PDE8A: variants seen among roughly 807,000 people sequenced by gnomAD.
PDE8A encodes high affinity cAMP-specific and IBMX-insensitive 3',5'-cyclic phosphodiesterase 8A.
Under a neutral mutation model 105.0 loss-of-function variants are expected in PDE8A, and 59 were observed. The observed-to-expected ratio is 0.56, with a 90% CI of 0.46 to 0.70. The LOEUF (loss-of-function observed/expected upper bound fraction) is 0.70, where lower values mean the gene tolerates loss of function less well. PDE8A is among the 30% of genes least tolerant of loss of function. The pLI, the probability that PDE8A is intolerant of heterozygous loss-of-function variation, is 0.00. For missense variants in PDE8A, 1,014 were observed against 1,045.9 expected (o/e 0.97, Z 0.42); for synonymous variants, 355 against 371.9 (o/e 0.95, Z 0.52).
chr15:85,031,009 G>A (rs530068135), intron 1 of PDE8A, among the ~76,000 whole-genome samples: 9 of 152,152 alleles, frequency 5.9e-5, no homozygotes, highest in African/African-American at 2.2e-4. Context: ...CTCAGTATAC[G>A]TTTAGCGCAT....
chr15:85,119,013 G>A (rs2082138812), intron 17 of PDE8A, among the ~76,000 whole-genome samples: 1 of 152,118 alleles, frequency 6.6e-6, no homozygotes, highest in South Asian at 2.1e-4. Flanking sequence ...AAAATAGGGT[G>A]TCCAGAGAAG....
chr15:85,122,288 G>C (rs2082194621), intron 18 of PDE8A, among the ~76,000 whole-genome samples: 2 of 152,182 alleles, frequency 1.3e-5, no homozygotes, highest in Non-Finnish European at 2.9e-5. Context: ...CAGTGCCACA[G>C]TGCTTGGTAC....
rs373194813 is a variant in PDE8A, at chr15:85,137,772, A to G, written c.2384-25A>G. 2.2e-5 allele frequency: 31 copies of G among 1,395,958 alleles called. No individual in the cohort carries two copies. In the African/African-American group the frequency reaches 3.7e-4, roughly 17 times the overall value. The allele number at this position is 1,395,958 out of a possible 1,614,324, so 86.5% of individuals were successfully genotyped here. A position where few individuals can be genotyped will look rare whatever the true frequency, so the allele number is the denominator to read the frequency against. Reference sequence around the variant, plus strand: ...ATGTAAACAGAGGCTGTGAAAGCATATCACATTCCTATCTTTCTCTCCAGC... The same window carrying G: ...ATGTAAACAGAGGCTGTGAAAGCATGTCACATTCCTATCTTTCTCTCCAGC... On this transcript the variant is annotated intron_variant, in intron 21 of 21. Transcript: ENST00000394553.
At chr15:85,134,965 G>A (rs952972773) in intron 20 of PDE8A, among the ~76,000 whole-genome samples, 8 of 152,176 alleles carry the variant, frequency 5.3e-5, no homozygotes, top group South Asian at 2.1e-4. Flanking sequence ...GGAGCTCCAC[G>A]CAAGTGCCGG....
intron 8 of PDE8A, among the ~76,000 whole-genome samples, chr15:85,093,245 T>C (rs2081678955): frequency 6.6e-6 from 1 of 152,188 alleles, no homozygotes; most frequent in South Asian, 2.1e-4. Flanking sequence ...ATTTGTTTCG[T>C]TTTTCACAGT....
At chr15:85,031,054 G>A (rs1222423743) in intron 1 of PDE8A, among the ~76,000 whole-genome samples, 1 of 152,134 alleles carries the variant, frequency 6.6e-6, no homozygotes, top group Non-Finnish European at 1.5e-5. Flanking sequence ...ATGAATAAAT[G>A]ACAATTTTAC....
chr15:85,079,396 TG>T, intron 5 of PDE8A, among the ~76,000 whole-genome samples: 1 of 152,328 alleles, frequency 6.6e-6, no homozygotes, highest in East Asian at 1.9e-4. Context: ...TACTTTATTC[TG>T]GGGGTAATTG....
chr15:85,074,007 C>T (rs750292059), intron 3 of PDE8A, among the ~76,000 whole-genome samples: 8 of 152,170 alleles, frequency 5.3e-5, no homozygotes, highest in Non-Finnish European at 1.2e-4. Flanking sequence ...GGTTGGCTCC[C>T]TCTGGAGAGG....
intron 9 of PDE8A, among the ~76,000 whole-genome samples, chr15:85,098,923 C>T (rs1284542994): frequency 1.3e-5 from 2 of 151,142 alleles, no homozygotes; most frequent in Non-Finnish European, 2.9e-5. Context: ...TGCCACTGTA[C>T]TCCAGCCTGG....
At chr15:85,039,126 A>G (rs1023775329) in intron 1 of PDE8A, among the ~76,000 whole-genome samples, 3 of 8,340 alleles carry the variant, frequency 3.6e-4, no homozygotes, top group Admixed American at 8.5e-4. Context: ...CATCTCAAGA[A>G]AAAAAAAAAA....
intron 11 of PDE8A, among the ~76,000 whole-genome samples, chr15:85,104,408 T>C (rs2081916435): frequency 6.6e-6 from 1 of 152,114 alleles, no homozygotes; most frequent in South Asian, 2.1e-4. Context: ...GGATTCATCC[T>C]GTAGGCAGAG....
intron 20 of PDE8A, among the ~76,000 whole-genome samples, chr15:85,126,920 T>C (rs1033347371): frequency 6.6e-6 from 1 of 152,174 alleles, no homozygotes; most frequent in Non-Finnish European, 1.5e-5. Flanking sequence ...TCAAAAACTA[T>C]GAAGGCCAGA....
At chr15:85,009,106 A>T (rs34343213) in intron 1 of PDE8A, among the ~76,000 whole-genome samples, 2 of 25,964 alleles carry the variant, frequency 7.7e-5, no homozygotes, top group African/African-American at 2.8e-4. Context: ...AGAGAGAGAG[A>T]GAGAGTGTGT....
intron 1 of PDE8A, among the ~76,000 whole-genome samples, chr15:85,000,169 T>C (rs2080045063): frequency 6.6e-6 from 1 of 152,222 alleles, no homozygotes; most frequent in South Asian, 2.1e-4. Flanking sequence ...TATAGGAAGA[T>C]ACCTTCTAAT....
intron 11 of PDE8A, among the ~76,000 whole-genome samples, chr15:85,106,658 C>G (rs1357778864): frequency 6.6e-6 from 1 of 152,148 alleles, no homozygotes; most frequent in Non-Finnish European, 1.5e-5. Flanking sequence ...AGTGTTGTGT[C>G]TCAGACAGAA....
chr15:85,119,575 A>G (rs1043103432), intron 17 of PDE8A, among the ~76,000 whole-genome samples: 2 of 151,998 alleles, frequency 1.3e-5, no homozygotes, highest in African/African-American at 4.8e-5. Flanking sequence ...ATAAATTTGC[A>G]AGGCTGATTT....
intron 1 of PDE8A, among the ~76,000 whole-genome samples, chr15:85,004,597 TTTAAGA>T (rs1201572451): frequency 6.6e-6 from 1 of 152,184 alleles, no homozygotes; most frequent in African/African-American, 2.4e-5. Flanking sequence ...CGCCTAATAC[TTTAAGA>T]TTAATTTTCT....
chr15:85,101,787 G>A (rs941717165), intron 11 of PDE8A, among the ~76,000 whole-genome samples: 4 of 152,214 alleles, frequency 2.6e-5, no homozygotes, highest in Non-Finnish European at 4.4e-5. Flanking sequence ...TGGGACTAGA[G>A]AGAGAAAAGC....
In PDE8A at chr15:85,116,244, A is replaced by T; in HGVS notation, c.1535+125A>T. ...GGTCAGGGTGGGGCCCTAAGGAAGG[A>T]GTAACAGGGCACCAGGTGGCTCTGA... On this transcript the variant is annotated intron_variant, in intron 16 of 21. Transcript: ENST00000394553. 4.2e-6 allele frequency: 4 copies of T among 953,100 alleles called. 1 individual carries two copies. The highest frequency in any genetic ancestry group is 3.1e-4 in the Middle Eastern group (1 of 3,254). 59.0% of individuals were successfully genotyped at this position (953,100 alleles called of 1,614,324 possible). A position where few individuals can be genotyped will look rare whatever the true frequency, so the allele number is the denominator to read the frequency against.
Sources: allele counts gnomAD v4.1 joint callset (sites outside exome capture counted in the v4.1 genomes callset), GRCh38; gene constraint gnomAD v4.1.1; transcripts MANE v1.5; gene names NCBI Gene and HGNC (gene_info 2026-07-23, HGNC 2026-07-21).